The following NYAP2 variants were observed in gnomAD, a reference collection of about 807,000 sequenced individuals.
NYAP2 encodes neuronal tyrosine-phosphorylated phosphoinositide-3-kinase adapter 2.
In NYAP2, 23 loss-of-function variants were observed where a neutral mutation model predicts 50.4. The ratio of observed to expected loss-of-function variants is 0.46; its 90% confidence interval spans 0.33 to 0.65. NYAP2 has a LOEUF of 0.65. Ranked by LOEUF, NYAP2 falls within the 30% of genes least tolerant of loss-of-function variation. The probability of loss-of-function intolerance (pLI) is 0.02; values close to 1 mark genes in which losing one functional copy is unlikely to be tolerated. For synonymous variants in NYAP2, 394 were observed against 365.2 expected (o/e 1.08, Z -0.90); for missense variants, 885 against 861.0 (o/e 1.03, Z -0.35).
intron 3 of NYAP2, among the ~76,000 whole-genome samples, chr2:225,438,566 A>G (rs1383963231): frequency 6.6e-6 from 1 of 152,256 alleles, no homozygotes; most frequent in Non-Finnish European, 1.5e-5. Context: ...ATAATAACTT[A>G]CATAATATCT....
chr2:225,516,973 A>G (rs545804137), intron 4 of NYAP2, among the ~76,000 whole-genome samples: 2 of 152,148 alleles, frequency 1.3e-5, no homozygotes, highest in Non-Finnish European at 2.9e-5. Flanking sequence ...CTATTTAAGT[A>G]AGGGATTATG....
At chr2:225,627,216 G>T in intron 6 of NYAP2, 90 bp downstream of exon 6, 1 of 979,084 alleles carries the variant, frequency 1.0e-6, no homozygotes, top group East Asian at 2.6e-5. Context: ...TATCACCACA[G>T]ATATCTCTGT....
At chr2:225,552,684 TTTTG>T (rs1174772722) in intron 4 of NYAP2, among the ~76,000 whole-genome samples, 1 of 151,858 alleles carries the variant, frequency 6.6e-6, no homozygotes, top group Non-Finnish European at 1.5e-5. Flanking sequence ...AGAAACAAGG[TTTTG>T]TTTGTTTGTT....
intron 3 of NYAP2, among the ~76,000 whole-genome samples, chr2:225,474,307 C>G (rs1180767126): frequency 6.6e-6 from 1 of 151,978 alleles, no homozygotes; most frequent in Non-Finnish European, 1.5e-5. Context: ...TTTTTTGGTT[C>G]CATATGAACT....
chr2:225,480,409 T>C (rs1690186684), intron 3 of NYAP2, among the ~76,000 whole-genome samples: 1 of 152,020 alleles, frequency 6.6e-6, no homozygotes, highest in African/African-American at 2.4e-5. Context: ...GAGAGAAAGA[T>C]GAAAACCAAG....
chr2:225,417,873 T>C (rs771878045), intron 3 of NYAP2, among the ~76,000 whole-genome samples: 6 of 152,156 alleles, frequency 3.9e-5, no homozygotes, highest in Non-Finnish European at 8.8e-5. Flanking sequence ...TGGGATAAGA[T>C]GGTGAACAGA....
chr2:225,662,406 A>G, the NYAP2 span, among the ~76,000 whole-genome samples: 1 of 152,242 alleles, frequency 6.6e-6, no homozygotes, highest in East Asian at 1.9e-4. Context: ...CCACACATGC[A>G]CACATAGATA....
the NYAP2 span, among the ~76,000 whole-genome samples, chr2:225,684,304 G>T: frequency 2.0e-5 from 3 of 152,060 alleles, no homozygotes. Context: ...TCTGTGTGGA[G>T]ATCACAATTG....
chr2:225,446,246 CTATATATATATATATA>C (rs58633886), intron 3 of NYAP2, among the ~76,000 whole-genome samples: 187 of 82,270 alleles, frequency 2.3e-3, no homozygotes, highest in African/African-American at 5.9e-3. Flanking sequence ...CTCTCTCTCT[CTATATATATATATATA>C]TATATATATA....
intron 4 of NYAP2, among the ~76,000 whole-genome samples, chr2:225,523,976 C>T (rs766269067): frequency 6.6e-6 from 1 of 152,046 alleles, no homozygotes; most frequent in Non-Finnish European, 1.5e-5. Context: ...CTATTTAATG[C>T]TTCTGGGAAA....
At chr2:225,500,185 T>C (rs1164602425) in intron 3 of NYAP2, among the ~76,000 whole-genome samples, 1 of 152,198 alleles carries the variant, frequency 6.6e-6, no homozygotes, top group Non-Finnish European at 1.5e-5. Context: ...CCTTGAGGTA[T>C]TATTCTGAGG....
At chr2:225,597,656 T>C (rs927567104) in intron 5 of NYAP2, among the ~76,000 whole-genome samples, 7 of 150,822 alleles carry the variant, frequency 4.6e-5, no homozygotes, top group Non-Finnish European at 8.9e-5. Context: ...AATGACTTCT[T>C]TTCCTCTGGG....
intron 4 of NYAP2, among the ~76,000 whole-genome samples, chr2:225,564,414 C>T (rs1337653083): frequency 1.3e-5 from 2 of 151,642 alleles, no homozygotes; most frequent in African/African-American, 4.8e-5. Context: ...CAAAAAATAC[C>T]AGTGTCTGGT....
the NYAP2 span, among the ~76,000 whole-genome samples, chr2:225,691,207 T>TC: frequency 2.6e-5 from 4 of 152,102 alleles, no homozygotes; most frequent in African/African-American, 4.8e-5. Flanking sequence ...CTTTTTTTTT[T>TC]CCCTGTAAAG....
chr2:225,627,931 A>T (rs1378618008), intron 6 of NYAP2, among the ~76,000 whole-genome samples: 2 of 152,200 alleles, frequency 1.3e-5, no homozygotes, highest in Non-Finnish European at 2.9e-5. Flanking sequence ...AGAAAAGACT[A>T]ATCCTTTAAT....
the NYAP2 span, among the ~76,000 whole-genome samples, chr2:225,676,134 C>T: frequency 6.6e-6 from 1 of 152,038 alleles, no homozygotes; most frequent in Non-Finnish European, 1.5e-5. Context: ...ATTTGTTTTG[C>T]TCTGCAGAAG....
intron 3 of NYAP2, among the ~76,000 whole-genome samples, chr2:225,494,034 C>T (rs188842772): frequency 1.1e-3 from 162 of 152,306 alleles, no homozygotes; most frequent in African/African-American, 3.8e-3. Flanking sequence ...GCCTCCAATG[C>T]TACACTCTTC....
At chr2:225,473,566 T>C (rs1288938389) in intron 3 of NYAP2, among the ~76,000 whole-genome samples, 3 of 152,264 alleles carry the variant, frequency 2.0e-5, no homozygotes, top group Non-Finnish European at 4.4e-5. Flanking sequence ...CCAGTGATGA[T>C]GAACCTTTTT....
chr2:225,617,488 T>C (rs942910906), intron 5 of NYAP2, among the ~76,000 whole-genome samples: 1 of 152,126 alleles, frequency 6.6e-6, no homozygotes, highest in Non-Finnish European at 1.5e-5. Flanking sequence ...AAGCTTTTTA[T>C]GTAAATCATC....
Sources: allele counts gnomAD v4.1 joint callset (sites outside exome capture counted in the v4.1 genomes callset), GRCh38; gene constraint gnomAD v4.1.1; transcripts MANE v1.5; gene names NCBI Gene and HGNC (gene_info 2026-07-23, HGNC 2026-07-21).